ATRX: variants seen among roughly 807,000 people sequenced by gnomAD.
ATRX encodes the protein ATRX chromatin remodeler, also known as chromatin remodeler ATRX.
Under a neutral mutation model 172.6 loss-of-function variants are expected in ATRX, and 12 were observed. The observed-to-expected ratio is 0.07, with a 90% CI of 0.04 to 0.11. The LOEUF (loss-of-function observed/expected upper bound fraction) is 0.11. ATRX is among the 10% of genes least tolerant of loss of function. ATRX has a pLI of 1.00. For synonymous variants in ATRX, 674 were observed against 594.7 expected, an observed-to-expected ratio of 1.13 and a Z score of -1.94; for missense variants, 1,368 against 1,767.4, an observed-to-expected ratio of 0.77 and a Z score of 4.05.
At chrX:77,688,158 C>T (rs1355601525) in intron 7 of ATRX, among the ~76,000 whole-genome samples, 1 of 110,337 alleles carries the variant, frequency 9.1e-6, no homozygotes, top group Non-Finnish European at 1.9e-5. Context: ...AGGCTGGTCT[C>T]GAACTCCTGA....
chrX:77,552,278 A>G (rs1472621420), intron 30 of ATRX, among the ~76,000 whole-genome samples: 1 of 110,551 alleles, frequency 9.0e-6, no homozygotes, highest in Non-Finnish European at 1.9e-5. Flanking sequence ...AATACTATGC[A>G]GCCATAAAAA....
chrX:77,573,170 A>G (rs782724269), intron 28 of ATRX, among the ~76,000 whole-genome samples: 2 of 112,009 alleles, frequency 1.8e-5, no homozygotes, highest in Non-Finnish European at 3.8e-5. Context: ...AGGCAATCTC[A>G]TAAGAGTATA....
chrX:77,697,502 G>C (rs1053054631), intron 4 of ATRX, 81 bp downstream of exon 4: 81 of 1,026,532 alleles, frequency 7.9e-5, no homozygotes, highest in Non-Finnish European at 1.4e-5. Flanking sequence ...GTTGACATGA[G>C]TTCAGAAAAA....
At chrX:77,580,276 C>T (rs1670322917) in intron 27 of ATRX, among the ~76,000 whole-genome samples, 1 of 111,368 alleles carries the variant, frequency 9.0e-6, no homozygotes, top group African/African-American at 3.3e-5. Flanking sequence ...AACAGAGAAA[C>T]CCAAATCTAA....
intron 21 of ATRX, among the ~76,000 whole-genome samples, chrX:77,617,631 A>G (rs1339699404): frequency 1.8e-5 from 2 of 111,693 alleles, no homozygotes; most frequent in Non-Finnish European, 3.8e-5. Flanking sequence ...AATAGTTGCT[A>G]TACTCTATTG....
chrX:77,755,368 C>T (rs151054854), intron 1 of ATRX, among the ~76,000 whole-genome samples: 169 of 112,037 alleles, frequency 1.5e-3, no homozygotes, highest in African/African-American at 4.8e-3. Context: ...TCCAGTTTTG[C>T]GGCCTTGCTA....
rs184693364 is a variant in ATRX at position 77,716,732 on chromosome X, G to C, written c.133+399C>G. Among the ~76,000 whole-genome samples, 492 of 111,118 alleles carry C rather than the reference G, an allele frequency of 4.4e-3. 4 individuals are homozygous for C. The highest frequency in any genetic ancestry group is 0.015 in the African/African-American group (469 of 30,599). On this transcript the variant is annotated intron_variant, in intron 2 of 34. Coordinates refer to ENST00000373344, the MANE Select transcript of ATRX (RefSeq NM_000489.6). Reference sequence around the variant, plus strand: ...AACTCCAGACTGGGTGACAGAGCGAGACTCCATCACAAAAATAAAAATAAA... The same window carrying C: ...AACTCCAGACTGGGTGACAGAGCGACACTCCATCACAAAAATAAAAATAAA...
intron 10 of ATRX, among the ~76,000 whole-genome samples, chrX:77,667,235 T>A (rs1349721054): frequency 9.1e-6 from 1 of 109,503 alleles, no homozygotes; most frequent in Non-Finnish European, 1.9e-5. Flanking sequence ...CTGTCATTTC[T>A]CATGGACCAG....
At chrX:77,660,906 C>T (rs1488127137) in intron 12 of ATRX, among the ~76,000 whole-genome samples, 5 of 111,820 alleles carry the variant, frequency 4.5e-5, no homozygotes, top group African/African-American at 1.6e-4. Flanking sequence ...AGACTTTTCC[C>T]TTTCATACCA....
At chrX:77,567,230 A>T (rs187792388) in intron 28 of ATRX, among the ~76,000 whole-genome samples, 1 of 112,198 alleles carries the variant, frequency 8.9e-6, no homozygotes, top group African/African-American at 3.2e-5. Flanking sequence ...AACCAACTGA[A>T]CAAAAAAATA....
At chrX:77,509,287 C>T (rs1569513144) in intron 34 of ATRX, among the ~76,000 whole-genome samples, 1 of 111,881 alleles carries the variant, frequency 8.9e-6, no homozygotes, top group African/African-American at 3.2e-5. Context: ...ATAGCTCTAC[C>T]TTTTATTCTC....
intron 22 of ATRX, among the ~76,000 whole-genome samples, chrX:77,615,745 C>A (rs1339600542): frequency 1.8e-5 from 2 of 111,306 alleles, no homozygotes; most frequent in African/African-American, 6.5e-5. Context: ...CTCTAGGATG[C>A]ACTGCTATTA....
At chrX:77,730,581 T>C (rs782523745) in intron 1 of ATRX, among the ~76,000 whole-genome samples, 66 of 112,261 alleles carry the variant, frequency 5.9e-4, no homozygotes, top group Non-Finnish European at 1.1e-3. Flanking sequence ...ATAGAACATA[T>C]GTTAAGTAAC....
chrX:77,562,072 A>G (rs782610559), intron 28 of ATRX, among the ~76,000 whole-genome samples: 26 of 112,127 alleles, frequency 2.3e-4, no homozygotes, highest in Non-Finnish European at 3.4e-4. Context: ...TCAGTTCTCT[A>G]TCATTATACT....
chrX:77,538,882 C>T (rs1423697103), intron 30 of ATRX, among the ~76,000 whole-genome samples: 3 of 108,130 alleles, frequency 2.8e-5, no homozygotes, highest in Non-Finnish European at 5.7e-5. Context: ...TTTCTGAATG[C>T]TAACTTTGCT....
chrX:77,603,549 T>G (rs1282667549), intron 22 of ATRX, among the ~76,000 whole-genome samples: 18 of 99,124 alleles, frequency 1.8e-4, no homozygotes, highest in African/African-American at 6.4e-4. Context: ...TTTTTTTTTG[T>G]ATTTTTAGTA....
chrX:77,743,508 C>T (rs2074956635), intron 1 of ATRX, among the ~76,000 whole-genome samples: 1 of 111,010 alleles, frequency 9.0e-6, no homozygotes, highest in African/African-American at 3.3e-5. Flanking sequence ...CAACCAAACC[C>T]ACTACCTGAA....
intron 1 of ATRX, among the ~76,000 whole-genome samples, chrX:77,739,398 T>A (rs954530835): frequency 7.4e-5 from 8 of 108,314 alleles, no homozygotes; most frequent in African/African-American, 2.7e-4. Context: ...TATATATATA[T>A]AATCAGATAT....
chrX:77,517,471 T>C (rs2063093478), intron 34 of ATRX, among the ~76,000 whole-genome samples: 1 of 111,470 alleles, frequency 9.0e-6, no homozygotes, highest in East Asian at 2.8e-4. Flanking sequence ...GATTGAAACA[T>C]TAAGAAATCC....
Sources: gnomAD v4.1 joint callset for allele counts (sites outside exome capture counted in the v4.1 genomes callset) on GRCh38, gnomAD v4.1.1 for gene constraint, MANE v1.5 for transcripts, NCBI Gene and HGNC (gene_info 2026-07-23, HGNC 2026-07-21) for gene names.